Variants in CEP131 observed in about 807,000 individuals in gnomAD.
CEP131 encodes the protein centrosomal protein of 131 kDa.
Under a neutral mutation model 136.8 loss-of-function variants are expected in CEP131, and 99 were observed. That is an observed-to-expected ratio of 0.72 (90% CI 0.62 to 0.86). The LOEUF (loss-of-function observed/expected upper bound fraction) is 0.86. Among genes scored for constraint, CEP131 ranks in the 40% least tolerant of loss-of-function variants. The pLI is 0.00. For missense variants in CEP131, 1,459 were observed against 1,463.0 expected, an observed-to-expected ratio of 1.00 and a Z score of 0.04; for synonymous variants, 646 against 612.7, an observed-to-expected ratio of 1.05 and a Z score of -0.80.
At position 81,198,172 on chromosome 17, in the gene CEP131, C is replaced by G. The variant is rs147103902; in HGVS notation, c.1413G>C (p.Pro471=). ...LHTLQLLEKE[P]DVLPRPRTHH... ...GGGTCCTGGGGCGGGGCAGCACGTC[C>G]GGCTCCTTCTCCAGCAGCTGCAGTG... The change falls in exon 12 of 26, where the codon CCG becomes CCC. Residue 471 remains proline (P), a synonymous_variant. Coordinates refer to ENST00000450824, the MANE Select transcript of CEP131 (RefSeq NM_014984.4). 1 of 1,578,712 alleles carries G rather than the reference C, an allele frequency of 6.3e-7. No homozygotes were observed. The highest frequency in any genetic ancestry group is 8.6e-7 in the Non-Finnish European group (1 of 1,162,250).
chr17:81,192,264 T>A, intron 21 of CEP131, 54 bp downstream of exon 21: 1 of 1,516,910 alleles, frequency 6.6e-7, no homozygotes, highest in Non-Finnish European at 8.9e-7. Context: ...CCCCAACTCC[T>A]GCCCACGCAG....
Position 81,203,797 on chromosome 17 carries a change from AG to A in CEP131, c.516-191del. On this transcript the variant is annotated intron_variant, in intron 5 of 25. Transcript: ENST00000450824. The surrounding 1 kb of genome is among the most constrained non-coding windows in gnomAD (Gnocchi z 4.6). ...GCGCCCTGATGATGGGGTTCTTCCC[AG>A]GACAGGAAAGCTGGACCAGGGGCTC... 1 of 575,618 alleles carries A rather than the reference AG, an allele frequency of 1.7e-6. No homozygotes were observed. Among genetic ancestry groups the A allele is most frequent in the Non-Finnish European group, 3.1e-6 (1 of 323,282 alleles). 35.7% of individuals were successfully genotyped at this position (575,618 alleles called of 1,614,324 possible). A position where few individuals can be genotyped will look rare whatever the true frequency, so the allele number is the denominator to read the frequency against.
chr17:81,220,166 C>T (rs1042904834), intron 1 of CEP131, 93 bp from the exon 2 acceptor site: 9 of 1,130,982 alleles, frequency 8.0e-6, no homozygotes, highest in Middle Eastern at 6.6e-4. Context: ...GCTGGGTCCA[C>T]TGGCCACCAA....
intron 2 of CEP131, among the ~76,000 whole-genome samples, chr17:81,212,180 G>A (rs1397694331): frequency 4.7e-5 from 7 of 149,782 alleles, no homozygotes; most frequent in African/African-American, 1.2e-4. Flanking sequence ...TAAATTAGCC[G>A]GGCATGGTGG....
chr17:81,192,506 C>G lies in CEP131; in HGVS notation c.2517G>C (p.Lys839Asn). Residue 839 changes from lysine to asparagine, a missense_variant, in exon 20 of 26, where the codon AAG becomes AAC. Lys to Asn is a moderately conservative substitution (Grantham distance 94). This residue lies in a region of CEP131 where 1,026 missense variants were observed against 964.2 expected (regional missense o/e 1.06). Coordinates refer to ENST00000450824, the MANE Select transcript of CEP131 (RefSeq NM_014984.4). Reference sequence around the variant, plus strand: ...GCCGGCGCTCCTGCTCCTCCCTGCCCTTCTCAAACTCAGCCCTCAGGGCTC... The same window carrying G: ...GCCGGCGCTCCTGCTCCTCCCTGCCGTTCTCAAACTCAGCCCTCAGGGCTC... ...LTRALRAEFE[K>N]GREEQERRHQ... 1 of 1,611,692 alleles carries G rather than the reference C, an allele frequency of 6.2e-7. No individual in the cohort carries two copies. The highest frequency in any genetic ancestry group is 8.5e-7 in the Non-Finnish European group (1 of 1,179,782).
rs1360257869 is a variant in CEP131, at chr17:81,194,972, C to T, written c.2017G>A (p.Glu673Lys). 6.2e-7 allele frequency: 1 copy of T among 1,609,550 alleles called. No individual in the cohort carries two copies. Among genetic ancestry groups the T allele is most frequent in the Non-Finnish European group, 8.5e-7 (1 of 1,179,218 alleles). Reference protein sequence around the residue: ...VAQAQAQHELEIKKLKELMSA... With the variant: ...VAQAQAQHELKIKKLKELMSA... ...ATTAATTCTTTGAGTTTTTTAATCTCCTACGAGCAGAACAGGGCAGGAGGA... is the reference window on the plus strand; with the variant it reads ...ATTAATTCTTTGAGTTTTTTAATCTTCTACGAGCAGAACAGGGCAGGAGGA... Residue 673 changes from glutamate to lysine, a missense_variant and splice_region_variant, in exon 17 of 26, where the codon GAG becomes AAG. Transcript: ENST00000450824.
rs777848427 is a variant in CEP131 at position 81,195,867 on chromosome 17, G to A, written c.1984C>T (p.Arg662Cys). The A allele has an allele frequency of 5.7e-5, 91 of 1,607,436 alleles. No homozygotes were observed. The highest frequency in any genetic ancestry group is 1.7e-4 in the Middle Eastern group (1 of 5,950). ...TGCTGCGCCTGTGCCTGGGCCACAC[G>A]CTCGGTGCATCTCTGGTCCTCCTGC... The part of the protein sequence containing the change: ...LKQEDQRCTE[R>C]VAQAQAQHEL... Residue 662 changes from arginine to cysteine, a missense_variant, in exon 16 of 26, where the codon CGT (arginine) becomes TGT (cysteine). Coordinates refer to ENST00000450824, the MANE Select transcript of CEP131 (RefSeq NM_014984.4).
In CEP131 at chr17:81,219,200, G is replaced by A. The variant is rs947170632; in HGVS notation, c.177+680C>T. The stretch of plus-strand genomic sequence containing the variant: ...CAGCTCTCACCCCGAAGCTCCCACG[G>A]CTGTCCTGCTGCCCACACACCCACA... On this transcript the variant is annotated intron_variant, in intron 2 of 25. Coordinates refer to ENST00000450824, the MANE Select transcript of CEP131 (RefSeq NM_014984.4). The surrounding 1 kb of genome is among the most constrained non-coding windows in gnomAD (Gnocchi z 4.0). Among the ~76,000 whole-genome samples the A allele has an allele frequency of 6.6e-6, 1 of 152,094 alleles. No individual in the cohort carries two copies. Among genetic ancestry groups the A allele is most frequent in the Non-Finnish European group, 1.5e-5 (1 of 68,004 alleles).
chr17:81,193,809 T>G, intron 18 of CEP131, 117 bp downstream of exon 18: 2 of 1,181,476 alleles, frequency 1.7e-6, no homozygotes, highest in Non-Finnish European at 2.3e-6. Context: ...GCGTCCTCCC[T>G]GCATGCTGCA....
Position 81,199,711 on chromosome 17 carries a change from G to T in CEP131, c.1023+8C>A. 1 of 1,607,578 alleles carries T rather than the reference G, an allele frequency of 6.2e-7. No homozygotes were observed. ...GGTGCTGCTCAGTGGTCCCTGCGCG[G>T]TCAGCACCTGAATGGCTGCTCGCCT... On this transcript the variant is annotated splice_region_variant and intron_variant, in intron 9 of 25. Coordinates refer to ENST00000450824, the MANE Select transcript of CEP131 (RefSeq NM_014984.4).
rs2061771575 is a variant in CEP131, at chr17:81,196,993, C to T, written c.1710G>A (p.Val570=). Residue 570 remains valine, a synonymous_variant, in exon 14 of 26, where the codon GTG becomes GTA. Coordinates refer to ENST00000450824, the MANE Select transcript of CEP131 (RefSeq NM_014984.4). ...CCTCCACCTCCAGCTTCAGCCGCATCACAGACGTGCTCACCTCGGACCCCA... is the reference window on the plus strand; with the variant it reads ...CCTCCACCTCCAGCTTCAGCCGCATTACAGACGTGCTCACCTCGGACCCCA... ...LELGSEVSTS[V]MRLKLEVEEK... 3.1e-6 allele frequency: 5 copies of T among 1,603,674 alleles called. No individual in the cohort carries two copies. The highest frequency in any genetic ancestry group is 1.1e-5 in the South Asian group (1 of 89,284).
chr17:81,190,986 A>C lies in CEP131; in HGVS notation c.2864T>G (p.Leu955Arg). The C allele has an allele frequency of 6.2e-7, 1 of 1,608,040 alleles. No homozygotes were observed. Among genetic ancestry groups the C allele is most frequent in the Non-Finnish European group, 8.5e-7 (1 of 1,179,874 alleles). ...CAGATTCTCGCCCTCGGCCTCCCCA[A>C]GCTGGCCCTTCAGCTCCGAGCACCG... is the stretch of plus-strand genomic sequence containing the variant. ...QERCSELKGQ[L>R]GEAEGENLRL... The change falls in exon 23 of 26, where the codon CTT (leucine) becomes CGT (arginine). Residue 955 changes from leucine to arginine, a missense_variant. By Grantham distance (102) the Leu-to-Arg change is moderately radical (BLOSUM62 -2). Around this residue, in one of 3 missense-constraint regions of CEP131, gnomAD observed 1,026 missense variants for 964.2 expected, o/e 1.06. Transcript: ENST00000450824.
chr17:81,198,265 G>A lies in CEP131; in HGVS notation c.1320C>T (p.Asn440=), dbSNP rs2061812470. 6 of 1,604,288 alleles carry A rather than the reference G, an allele frequency of 3.7e-6. No homozygotes were observed. The highest frequency in any genetic ancestry group is 1.3e-5 in the African/African-American group (1 of 74,776). Reference sequence around the variant, plus strand: ...CCCTGCTCGGGGCCATCATCTCCAGGTTGTCCCCAGCTGCATCCTGGGCAA... The same window carrying A: ...CCCTGCTCGGGGCCATCATCTCCAGATTGTCCCCAGCTGCATCCTGGGCAA... The part of the protein sequence containing the change: ...DVLAQDAAGD[N]LEMMAPSRGS... Residue 440 remains asparagine, a synonymous_variant, in exon 12 of 26, where the codon AAC becomes AAT. Transcript: ENST00000450824.
chr17:81,189,899 G>A lies in CEP131; in HGVS notation c.3168+16C>T. The A allele has an allele frequency of 6.2e-7, 1 of 1,612,804 alleles. No homozygotes were observed. Reference sequence around the variant, plus strand: ...CCCAGCCCCGAGGTCCAGCAGGGCTGGCCACAGGGACTCACCTCATGTTGT... The same window carrying A: ...CCCAGCCCCGAGGTCCAGCAGGGCTAGCCACAGGGACTCACCTCATGTTGT... On this transcript the variant is annotated intron_variant, in intron 25 of 25. Coordinates refer to ENST00000450824, the MANE Select transcript of CEP131 (RefSeq NM_014984.4).
intron 2 of CEP131, among the ~76,000 whole-genome samples, chr17:81,217,896 C>A (rs1030977563): frequency 6.6e-6 from 1 of 152,238 alleles, no homozygotes; most frequent in South Asian, 2.1e-4. Flanking sequence ...GGGTCGGCCG[C>A]GGATAGAGCC....
chr17:81,202,178 G>C (rs1176010611), intron 7 of CEP131, 62 bp downstream of exon 7: 2 of 1,003,428 alleles, frequency 2.0e-6, no homozygotes. Flanking sequence ...CCCAGACCCT[G>C]ATGCCTGCCC....
Position 81,215,612 on chromosome 17 carries a change from G to T in CEP131, c.177+4268C>A, listed in dbSNP as rs1282341000. The stretch of plus-strand genomic sequence containing the variant: ...TTTTTAGTAGAGACGAGGTTTCACC[G>T]TGTTGGCCAGGCTGGTCTCGAACTC... On this transcript the variant is annotated intron_variant, in intron 2 of 25. Transcript: ENST00000450824. The surrounding 1 kb of genome is among the most constrained non-coding windows in gnomAD (Gnocchi z 4.1). Among the ~76,000 whole-genome samples the T allele has an allele frequency of 4.3e-5, 2 of 46,968 alleles. No individual in the cohort carries two copies. The highest frequency in any genetic ancestry group is 1.6e-3 in the South Asian group (2 of 1,278). The allele number at this position is 46,968 out of a possible 152,430, so 30.8% of individuals were successfully genotyped here. A position where few individuals can be genotyped will look rare whatever the true frequency, so the allele number is the denominator to read the frequency against.
At position 81,195,888 on chromosome 17, in the gene CEP131, C is replaced by T. The variant is rs1464504844; in HGVS notation, c.1963G>A (p.Glu655Lys). 7 of 1,609,528 alleles carry T rather than the reference C, an allele frequency of 4.3e-6. No individual in the cohort carries two copies. Among genetic ancestry groups the T allele is most frequent in the Non-Finnish European group, 5.9e-6 (7 of 1,179,938 alleles). ...ACACGCTCGGTGCATCTCTGGTCCTCCTGCTTCAGCTCGGCCACCACAGCC... is the reference window on the plus strand; with the variant it reads ...ACACGCTCGGTGCATCTCTGGTCCTTCTGCTTCAGCTCGGCCACCACAGCC... ...CEAVVAELKQEDQRCTERVAQ... is the reference protein window; with the variant it reads ...CEAVVAELKQKDQRCTERVAQ... Residue 655 changes from glutamate to lysine, a missense_variant, in exon 16 of 26, where the codon GAG becomes AAG. Physicochemically the swap from Glu to Lys is moderately conservative, Grantham distance 56 (BLOSUM62 1). Transcript: ENST00000450824.
Position 81,202,497 on chromosome 17 carries a change from C to A in CEP131, c.630-99G>T, listed in dbSNP as rs569177054. 1.6e-3 allele frequency: 2,291 copies of A among 1,427,304 alleles called. 6 individuals are homozygous for A. The highest frequency in any genetic ancestry group is 1.8e-3 in the Non-Finnish European group (1,909 of 1,060,006). The allele number at this position is 1,427,304 out of a possible 1,614,324, so 88.4% of individuals were successfully genotyped here. On this transcript the variant is annotated intron_variant, in intron 6 of 25. Coordinates refer to ENST00000450824, the MANE Select transcript of CEP131 (RefSeq NM_014984.4). ...ACTCCCGGAAGTCCCAGGACTGAGC[C>A]TGGAAGTGGTGCTGGCAGGCTGGCA...
Sources: allele counts gnomAD v4.1 joint callset (sites outside exome capture counted in the v4.1 genomes callset), GRCh38; gene constraint gnomAD v4.1.1; regional missense constraint gnomAD v4.1.1; non-coding constraint Gnocchi (gnomAD v3.1); transcripts MANE v1.5; gene names NCBI Gene and HGNC (gene_info 2026-07-23, HGNC 2026-07-21).